The following TRIP4 variants were observed in gnomAD, a reference collection of about 807,000 sequenced individuals.
The protein encoded by TRIP4 is thyroid hormone receptor interactor 4, also known as activating signal cointegrator 1.
TRIP4 carries 54 observed loss-of-function variants against 81.8 expected under a neutral mutation model. The observed-to-expected ratio is 0.66, with a 90% CI of 0.53 to 0.83. TRIP4 has a LOEUF of 0.83. Ranked by LOEUF, TRIP4 falls within the 40% of genes least tolerant of loss-of-function variation. TRIP4 has a pLI of 0.00. For synonymous variants in TRIP4, 270 were observed against 242.8 expected (o/e 1.11, Z -1.04); for missense variants, 662 against 683.6 (o/e 0.97, Z 0.35).
intron 4 of TRIP4, among the ~76,000 whole-genome samples, chr15:64,399,949 T>G (rs2140285199): frequency 6.8e-6 from 1 of 146,810 alleles, no homozygotes; most frequent in Non-Finnish European, 1.5e-5. Flanking sequence ...CACTCCAGTC[T>G]GGGTGACAAA....
Position 64,409,628 on chromosome 15 carries a change from A to C in TRIP4, c.843A>C (p.Gln281His). The C allele has an allele frequency of 6.2e-7, 1 of 1,614,172 alleles. No homozygotes were observed. The highest frequency in any genetic ancestry group is 8.5e-7 in the Non-Finnish European group (1 of 1,180,022). Residue 281 changes from glutamine to histidine, a missense_variant, in exon 7 of 13, where the codon CAA becomes CAC. Physicochemically the swap from Gln to His is conservative, Grantham distance 24. Transcript: ENST00000261884. Reference sequence around the variant, plus strand: ...TTTTTCTCAGTATTCGAAGGACCCAAGTCATTGATGATGAGTCAGATTACT... The same window carrying C: ...TTTTTCTCAGTATTCGAAGGACCCACGTCATTGATGATGAGTCAGATTACT... ...EFDRTSIRRT[Q>H]VIDDESDYFA...
intron 8 of TRIP4, among the ~76,000 whole-genome samples, chr15:64,416,899 T>C: frequency 6.6e-6 from 1 of 152,350 alleles, no homozygotes; most frequent in Non-Finnish European, 1.5e-5. Context: ...TAGAAATTTA[T>C]TTAGTCCAAC....
rs771989879 is a variant in TRIP4 at position 64,400,805 on chromosome 15, A to G, written c.681A>G (p.Leu227=). Residue 227 remains leucine (L), a synonymous_variant, in exon 5 of 13, where the codon CTA becomes CTG. Coordinates refer to ENST00000261884, the MANE Select transcript of TRIP4 (RefSeq NM_016213.5). ...ACTCAAACAAGAGCCAGAAACTGCT[A>G]AAGAAACTCATGTCAGGTAGACAGC... ...QRDSNKSQKL[L]KKLMSGVENS... 3 of 1,614,028 alleles carry G rather than the reference A, an allele frequency of 1.9e-6. No homozygotes were observed. Among genetic ancestry groups the G allele is most frequent in the East Asian group, 2.2e-5 (1 of 44,886 alleles).
At chr15:64,398,971 A>G (rs1185675722) in intron 4 of TRIP4, among the ~76,000 whole-genome samples, 4 of 101,662 alleles carry the variant, frequency 3.9e-5, no homozygotes, top group Non-Finnish European at 7.0e-5. Context: ...TTTTTTTGAG[A>G]CGGAGTCTCA....
At position 64,423,512 on chromosome 15, in the gene TRIP4, A is replaced by C. The variant is rs554348884; in HGVS notation, c.1359-519A>C. Among the ~76,000 whole-genome samples, 60 of 151,310 alleles carry C rather than the reference A, an allele frequency of 4.0e-4. 2 individuals carry two copies. The South Asian group carries it at 0.012, about 31-fold the overall frequency. ...AGCAAATGGGTGTGGTTCTAATTGAAGAGTAAAGATAAGCGTTTTTATTTA... is the reference window on the plus strand; with the variant it reads ...AGCAAATGGGTGTGGTTCTAATTGACGAGTAAAGATAAGCGTTTTTATTTA... On this transcript the variant is annotated intron_variant, in intron 9 of 12. Transcript: ENST00000261884.
chr15:64,394,227 A>C (rs1900220827), intron 2 of TRIP4, 112 bp downstream of exon 2: 6 of 959,150 alleles, frequency 6.3e-6, no homozygotes, highest in Non-Finnish European at 8.9e-6. Context: ...AGCTAACTTA[A>C]ACAGAGTCAT....
chr15:64,454,829 C>T (rs1430976938), intron 12 of TRIP4, among the ~76,000 whole-genome samples, 168 bp from the exon 13 acceptor site: 5 of 152,184 alleles, frequency 3.3e-5, no homozygotes, highest in Non-Finnish European at 5.9e-5. Flanking sequence ...GTTCCCATTG[C>T]TTCCTTATTC....
rs542624165 is a variant in TRIP4 at position 64,432,558 on chromosome 15, C to A, written c.1575+6927C>A. 2.6e-5 allele frequency among the ~76,000 whole-genome samples: 4 copies of A among 151,678 alleles called. No homozygotes were observed. The East Asian group carries it at 7.8e-4, about 30-fold the overall frequency. On this transcript the variant is annotated intron_variant, in intron 11 of 12. Transcript: ENST00000261884. ...CTGGGAGGCAGAGGTTACGGTGAGC[C>A]GAGATTGCGCCACTGCACTCCAGCC... is the stretch of plus-strand genomic sequence containing the variant.
intron 11 of TRIP4, among the ~76,000 whole-genome samples, chr15:64,443,185 A>T (rs1566985260): frequency 6.6e-6 from 1 of 152,138 alleles, no homozygotes; most frequent in Non-Finnish European, 1.5e-5. Flanking sequence ...TTTTGTTGTA[A>T]TGGGAATCTG....
Position 64,455,167 on chromosome 15 carries a change from G to T in TRIP4, c.*103G>T. On this transcript the variant is annotated 3_prime_UTR_variant, in exon 13 of 13. Transcript: ENST00000261884. The stretch of plus-strand genomic sequence containing the variant: ...AGTAGTAGAAACCTAAAGGCTTGGC[G>T]TCAGGCTTGAATATCTCAGAACTTA... 1 of 1,014,176 alleles carries T rather than the reference G, an allele frequency of 9.9e-7. No homozygotes were observed. Among genetic ancestry groups the T allele is most frequent in the South Asian group, 1.8e-5 (1 of 56,328 alleles). 62.8% of individuals were successfully genotyped at this position (1,014,176 alleles called of 1,614,324 possible).
intron 11 of TRIP4, among the ~76,000 whole-genome samples, 153 bp downstream of exon 11, chr15:64,425,784 A>G (rs1892128767): frequency 6.6e-6 from 1 of 152,166 alleles, no homozygotes; most frequent in African/African-American, 2.4e-5. Flanking sequence ...AAATATCTGT[A>G]TAAAAAGCTG....
intron 3 of TRIP4, among the ~76,000 whole-genome samples, chr15:64,396,165 T>C (rs1480467986): frequency 6.6e-6 from 1 of 151,184 alleles, no homozygotes; most frequent in African/African-American, 2.4e-5. Context: ...CACCTTGGCC[T>C]CCCAAAGTGC....
chr15:64,425,739 TA>T lies in TRIP4; in HGVS notation c.1575+109del, dbSNP rs1239795297. The T allele has an allele frequency of 1.2e-5, 9 of 773,874 alleles. No homozygotes were observed. The East Asian group carries it at 2.5e-4, about 21-fold the overall frequency. 47.9% of individuals were successfully genotyped at this position (773,874 alleles called of 1,614,324 possible). On this transcript the variant is annotated intron_variant, in intron 11 of 12. Coordinates refer to ENST00000261884, the MANE Select transcript of TRIP4 (RefSeq NM_016213.5). Reference sequence around the variant, plus strand: ...GGGCCTCTTAAAAGTGCTGGGATTATAGGCATGAGCCACCACACCCAGCCTG... The same window carrying T: ...GGGCCTCTTAAAAGTGCTGGGATTATGGCATGAGCCACCACACCCAGCCTG...
chr15:64,400,211 G>A (rs1379737827), intron 4 of TRIP4, among the ~76,000 whole-genome samples: 1 of 151,576 alleles, frequency 6.6e-6, no homozygotes, highest in Non-Finnish European at 1.5e-5. Context: ...CGGAGGCTGA[G>A]GAGGGAAGAC....
At chr15:64,448,655 G>A (rs1892686158) in intron 12 of TRIP4, among the ~76,000 whole-genome samples, 2 of 151,994 alleles carry the variant, frequency 1.3e-5, no homozygotes, top group Admixed American at 1.3e-4. Flanking sequence ...GCTAGAAACG[G>A]GGTCTTGCCA....
At chr15:64,442,416 T>C (rs1175751306) in intron 11 of TRIP4, among the ~76,000 whole-genome samples, 2 of 152,052 alleles carry the variant, frequency 1.3e-5, no homozygotes, top group African/African-American at 4.8e-5. Flanking sequence ...TTGCCCACGC[T>C]AGAGTGTGTG....
intron 7 of TRIP4, 43 bp downstream of exon 7, chr15:64,409,871 T>C: frequency 6.4e-7 from 1 of 1,568,272 alleles, no homozygotes; most frequent in Non-Finnish European, 8.7e-7. Flanking sequence ...AAGGAACAGG[T>C]TGACCATAAA....
intron 11 of TRIP4, among the ~76,000 whole-genome samples, chr15:64,441,292 G>T (rs1368272594): frequency 2.6e-5 from 4 of 151,708 alleles, no homozygotes; most frequent in Non-Finnish European, 5.9e-5. Context: ...CACTGCGCCC[G>T]GCCAATTCAT....
intron 11 of TRIP4, among the ~76,000 whole-genome samples, chr15:64,435,887 T>A: frequency 1.9e-5 from 1 of 53,592 alleles, no homozygotes; most frequent in African/African-American, 5.0e-5. Context: ...ACCATAATGG[T>A]AGATTGAAAA....
Sources: gnomAD v4.1 joint callset for allele counts (sites outside exome capture counted in the v4.1 genomes callset) on GRCh38, gnomAD v4.1.1 for gene constraint, MANE v1.5 for transcripts, NCBI Gene and HGNC (gene_info 2026-07-23, HGNC 2026-07-21) for gene names.